PACSIN1: variants seen among roughly 807,000 people sequenced by gnomAD.
PACSIN1 encodes protein kinase C and casein kinase substrate in neurons protein 1.
PACSIN1 carries 15 observed loss-of-function variants against 59.5 expected under a neutral mutation model. The observed-to-expected ratio is 0.25, with a 90% confidence interval of 0.17 to 0.39. The LOEUF (loss-of-function observed/expected upper bound fraction) is 0.39. PACSIN1 is among the 10% of genes least tolerant of loss of function. PACSIN1 has a pLI of 1.00. For missense variants in PACSIN1, 420 were observed against 580.2 expected (o/e 0.72, Z 2.84); for synonymous variants, 210 against 220.6 (o/e 0.95, Z 0.42).
intron 2 of PACSIN1, 73 bp from the exon 3 acceptor site, chr6:34,527,259 C>CGTGCT: frequency 7.2e-7 from 1 of 1,386,470 alleles, no homozygotes; most frequent in South Asian, 1.5e-5. Flanking sequence ...TGGGCGTGGC[C>CGTGCT]GTGCTGGATG....
chr6:34,502,867 A>G (rs114093619), intron 1 of PACSIN1, among the ~76,000 whole-genome samples: 1,945 of 152,222 alleles, frequency 0.013, 37 homozygotes, highest in African/African-American at 0.044. Flanking sequence ...ATAAATCATC[A>G]TTGTTCTAAG....
At chr6:34,498,199 C>T (rs1766974970) in intron 1 of PACSIN1, among the ~76,000 whole-genome samples, 1 of 151,998 alleles carries the variant, frequency 6.6e-6, no homozygotes, top group East Asian at 1.9e-4. Flanking sequence ...GTAGCTGGGA[C>T]TACAGGTGCG....
At chr6:34,496,845 T>C (rs1766954012) in intron 1 of PACSIN1, among the ~76,000 whole-genome samples, 1 of 151,900 alleles carries the variant, frequency 6.6e-6, no homozygotes, top group Non-Finnish European at 1.5e-5. Flanking sequence ...TCATTCCTGC[T>C]GTGTGACATT....
chr6:34,493,104 G>C (rs1766900724), intron 1 of PACSIN1, among the ~76,000 whole-genome samples: 1 of 152,200 alleles, frequency 6.6e-6, no homozygotes, highest in South Asian at 2.1e-4. Flanking sequence ...AATCAAGCAA[G>C]GGATCCAGGC....
At position 34,534,328 on chromosome 6, in the gene PACSIN1, G is replaced by A. The variant is rs966723806; in HGVS notation, c.*1798G>A. 2 of 152,894 alleles carry A rather than the reference G, an allele frequency of 1.3e-5. No individual in the cohort carries two copies. The highest frequency in any genetic ancestry group is 1.9e-4 in the East Asian group (1 of 5,218). The allele number at this position is 152,894 out of a possible 1,614,324, so 9.5% of individuals were successfully genotyped here. A position where few individuals can be genotyped will look rare whatever the true frequency, so the allele number is the denominator to read the frequency against. On this transcript the variant is annotated 3_prime_UTR_variant, in exon 10 of 10. Coordinates refer to ENST00000244458, the MANE Select transcript of PACSIN1 (RefSeq NM_020804.5). The stretch of plus-strand genomic sequence containing the variant: ...GGCGATGGCACCCCGGGGACAGGCA[G>A]ACCTCCTTCCTGCCGTCAGCACCCC...
At chr6:34,489,183 CAA>C (rs10638490) in intron 1 of PACSIN1, among the ~76,000 whole-genome samples, 30 of 124,642 alleles carry the variant, frequency 2.4e-4, no homozygotes, top group Admixed American at 4.2e-4. Context: ...GAGTTTGTCT[CAA>C]AAAAAAAAAA....
At chr6:34,517,553 T>C (rs1767314745) in intron 1 of PACSIN1, among the ~76,000 whole-genome samples, 1 of 133,334 alleles carries the variant, frequency 7.5e-6, no homozygotes, top group Admixed American at 7.9e-5. Flanking sequence ...CATGACCCCC[T>C]TGCTCCTCAA....
rs914137893 is a variant in PACSIN1 at position 34,521,049 on chromosome 6, A to G, written c.-63-5194A>G. 2.0e-5 allele frequency among the ~76,000 whole-genome samples: 3 copies of G among 152,248 alleles called. No homozygotes were observed. In the East Asian group the frequency reaches 5.8e-4, roughly 29 times the overall value. ...TCATTCATTCATTCAACAAAAGTGCACTGCGCACTTACTATGTTGCCGGCA... is the reference window on the plus strand; with the variant it reads ...TCATTCATTCATTCAACAAAAGTGCGCTGCGCACTTACTATGTTGCCGGCA... On this transcript the variant is annotated intron_variant, in intron 1 of 9. Coordinates refer to ENST00000244458, the MANE Select transcript of PACSIN1 (RefSeq NM_020804.5). The surrounding 1 kb of genome is among the most constrained non-coding windows in gnomAD (Gnocchi z 4.3).
chr6:34,528,915 G>GGGGGGCCCGGGGGGGGGGGGGGGGGGC, intron 4 of PACSIN1, 38 bp downstream of exon 4: 3 of 653,172 alleles, frequency 4.6e-6, no homozygotes, highest in East Asian at 4.3e-5. Flanking sequence ...GGTGGGGTGG[G>GGGGGGCCCGGGGGGGGGGGGGGGGGGC]CCCGTCTGAT....
chr6:34,509,853 T>C (rs1767171860), intron 1 of PACSIN1, among the ~76,000 whole-genome samples: 1 of 152,246 alleles, frequency 6.6e-6, no homozygotes, highest in South Asian at 2.1e-4. Context: ...CTTAAATTTT[T>C]TTCAGAAATT....
intron 1 of PACSIN1, among the ~76,000 whole-genome samples, chr6:34,481,304 C>A (rs1014938861): frequency 3.9e-5 from 6 of 152,186 alleles, no homozygotes; most frequent in African/African-American, 1.4e-4. Context: ...GCCTCCTTGG[C>A]TTCCCAAAGT....
chr6:34,500,533 G>C (rs758383913), intron 1 of PACSIN1, among the ~76,000 whole-genome samples: 4 of 152,182 alleles, frequency 2.6e-5, no homozygotes, highest in Non-Finnish European at 4.4e-5. Context: ...CAGGCTTCCA[G>C]GCTTTGTTGT....
At chr6:34,492,731 T>C (rs1052825649) in intron 1 of PACSIN1, among the ~76,000 whole-genome samples, 3 of 152,196 alleles carry the variant, frequency 2.0e-5, no homozygotes, top group Non-Finnish European at 2.9e-5. Context: ...AACCAAATAG[T>C]GCGTGCTCAT....
intron 1 of PACSIN1, among the ~76,000 whole-genome samples, chr6:34,476,965 C>T (rs1766647135): frequency 6.6e-6 from 1 of 152,220 alleles, no homozygotes; most frequent in South Asian, 2.1e-4. Flanking sequence ...GGGGTGGGCA[C>T]TCCAGGCCTG....
At chr6:34,508,002 G>A (rs1159624124) in intron 1 of PACSIN1, among the ~76,000 whole-genome samples, 4 of 152,148 alleles carry the variant, frequency 2.6e-5, no homozygotes, top group Non-Finnish European at 4.4e-5. Flanking sequence ...ATAATGCTGC[G>A]ATGAACACAG....
At chr6:34,505,497 A>C (rs1581972938) in intron 1 of PACSIN1, among the ~76,000 whole-genome samples, 1 of 136,218 alleles carries the variant, frequency 7.3e-6, no homozygotes, top group African/African-American at 2.8e-5. Context: ...TTTTAGTTCC[A>C]CAGGTTCCTG....
At chr6:34,479,759 T>A (rs1766689434) in intron 1 of PACSIN1, among the ~76,000 whole-genome samples, 1 of 149,308 alleles carries the variant, frequency 6.7e-6, no homozygotes, top group Non-Finnish European at 1.5e-5. Flanking sequence ...CTTGGTTTTT[T>A]TGAATTTTAA....
intron 3 of PACSIN1, among the ~76,000 whole-genome samples, chr6:34,528,398 G>T (rs568591876): frequency 0.017 from 2,566 of 152,320 alleles, 60 homozygotes; most frequent in African/African-American, 0.058. Context: ...AGGGAGGTAT[G>T]GCCGCAGATA....
At chr6:34,476,165 C>T (rs991235761) in intron 1 of PACSIN1, among the ~76,000 whole-genome samples, 4 of 152,158 alleles carry the variant, frequency 2.6e-5, no homozygotes, top group Non-Finnish European at 4.4e-5. Flanking sequence ...GTGGTTACCC[C>T]TACTGAGCCC....
Sources: gnomAD v4.1 joint callset for allele counts (sites outside exome capture counted in the v4.1 genomes callset) on GRCh38, gnomAD v4.1.1 for gene constraint, Gnocchi (gnomAD v3.1) non-coding constraint, MANE v1.5 for transcripts, NCBI Gene and HGNC (gene_info 2026-07-23, HGNC 2026-07-21) for gene names.